SMYD3: variants seen among roughly 807,000 people sequenced by gnomAD.
SMYD3 encodes the protein histone-lysine N-methyltransferase SMYD3.
A neutral mutation model predicts 57.7 loss-of-function variants in SMYD3; 36 were observed. The ratio of observed to expected loss-of-function variants is 0.62; its 90% CI spans 0.48 to 0.82. The LOEUF is 0.82. SMYD3 is among the 40% of genes least tolerant of loss of function. SMYD3 has a pLI of 0.00. For synonymous variants in SMYD3, 211 were observed against 195.0 expected, an observed-to-expected ratio of 1.08 and a Z score of -0.68; for missense variants, 515 against 538.8, an observed-to-expected ratio of 0.96 and a Z score of 0.44.
intron 1 of SMYD3, among the ~76,000 whole-genome samples, chr1:246,394,930 G>A (rs1463372883): frequency 1.3e-5 from 2 of 150,318 alleles, no homozygotes; most frequent in African/African-American, 2.5e-5. Flanking sequence ...AGAGGCTCCC[G>A]AACTTAGCTA....
intron 5 of SMYD3, among the ~76,000 whole-genome samples, chr1:246,268,062 G>A (rs1258572850): frequency 6.6e-6 from 1 of 152,188 alleles, no homozygotes; most frequent in East Asian, 1.9e-4. Context: ...TCAGAGGCGT[G>A]TGAACCAGAA....
intron 1 of SMYD3, among the ~76,000 whole-genome samples, chr1:246,365,495 A>T (rs1368205208): frequency 9.1e-4 from 1 of 1,094 alleles, no homozygotes; most frequent in Non-Finnish European, 3.2e-3. Flanking sequence ...ACCCTGTCTA[A>T]AAAAAAAAAA....
At chr1:246,026,898 T>A (rs1211043910) in intron 5 of SMYD3, among the ~76,000 whole-genome samples, 1 of 152,120 alleles carries the variant, frequency 6.6e-6, no homozygotes, top group Non-Finnish European at 1.5e-5. Context: ...TAAGATAAAC[T>A]GAAAGACACA....
chr1:246,108,630 G>A (rs550628919), intron 5 of SMYD3: 1 of 152,200 alleles, frequency 6.6e-6, no homozygotes, highest in East Asian at 1.9e-4. Flanking sequence ...TCACCACTTA[G>A]TTACTAGAAT....
chr1:245,751,622 A>AAG (rs766381379), intron 11 of SMYD3, among the ~76,000 whole-genome samples: 9 of 131,258 alleles, frequency 6.9e-5, no homozygotes, highest in East Asian at 2.5e-4. Context: ...GAGAGAGAAA[A>AAG]AGAGAGAGAG....
intron 5 of SMYD3, among the ~76,000 whole-genome samples, chr1:245,941,561 C>T (rs1479208423): frequency 6.6e-6 from 1 of 152,160 alleles, no homozygotes; most frequent in African/African-American, 2.4e-5. Flanking sequence ...CACTCTGTCA[C>T]CCAGGCTGGA....
intron 5 of SMYD3, among the ~76,000 whole-genome samples, chr1:246,185,866 TACATA>T (rs1326330357): frequency 6.6e-6 from 1 of 152,212 alleles, no homozygotes; most frequent in Non-Finnish European, 1.5e-5. Flanking sequence ...AATTTTTACA[TACATA>T]ACATACTTTA....
intron 1 of SMYD3, among the ~76,000 whole-genome samples, chr1:246,486,690 G>A (rs755169526): frequency 1.3e-5 from 2 of 152,062 alleles, no homozygotes; most frequent in Non-Finnish European, 2.9e-5. Context: ...TCAAACCTAA[G>A]ACTTACTTCT....
At chr1:245,867,550 C>A (rs2051924573) in intron 8 of SMYD3, among the ~76,000 whole-genome samples, 2 of 152,062 alleles carry the variant, frequency 1.3e-5, no homozygotes, top group African/African-American at 2.4e-5. Context: ...AGGCACTGTT[C>A]TAGGCAGTAG....
intron 4 of SMYD3, 100 bp downstream of exon 4, chr1:246,330,380 T>C: frequency 1.0e-6 from 1 of 957,220 alleles, no homozygotes; most frequent in Non-Finnish European, 1.5e-6. Context: ...TGCATCACAT[T>C]ATAAAGAAAC....
intron 5 of SMYD3, among the ~76,000 whole-genome samples, chr1:246,106,955 G>T (rs926742328): frequency 6.6e-6 from 1 of 152,078 alleles, no homozygotes; most frequent in African/African-American, 2.4e-5. Context: ...TGGTGTGAAC[G>T]TGAAAAAAGA....
intron 5 of SMYD3, among the ~76,000 whole-genome samples, chr1:246,007,578 T>C (rs992511502): frequency 6.6e-6 from 1 of 151,852 alleles, no homozygotes; most frequent in Non-Finnish European, 1.5e-5. Context: ...GGGAGGTCTA[T>C]GTGGGTGGAT....
Position 246,125,079 on chromosome 1 carries a change from A to ACACACACACACACAC in SMYD3, c.532-195143_532-195142insGTGTGTGTGTGTGTG, listed in dbSNP as rs1206513856. Among the ~76,000 whole-genome samples the ACACACACACACACAC allele has an allele frequency of 2.3e-3, 248 of 108,272 alleles. 3 individuals carry two copies. Among genetic ancestry groups the ACACACACACACACAC allele is most frequent in the South Asian group, 0.016 (62 of 3,858 alleles). 71.0% of individuals were successfully genotyped at this position (108,272 alleles called of 152,430 possible). A position where few individuals can be genotyped will look rare whatever the true frequency, so the allele number is the denominator to read the frequency against. ...AGAGCGAGACTCCGTCTCAAAAAAAAAAAAAAAAACACACACACACACACA... is the reference window on the plus strand; with the variant it reads ...AGAGCGAGACTCCGTCTCAAAAAAAACACACACACACACACAAAAAAAAACACACACACACACACA... On this transcript the variant is annotated intron_variant, in intron 5 of 11. Coordinates refer to ENST00000490107, the MANE Select transcript of SMYD3 (RefSeq NM_001167740.2).
At chr1:246,210,169 T>C (rs1435369396) in intron 5 of SMYD3, among the ~76,000 whole-genome samples, 1 of 152,098 alleles carries the variant, frequency 6.6e-6, no homozygotes, top group Admixed American at 6.5e-5. Flanking sequence ...TGAGAAAGCT[T>C]TTAATGATCT....
intron 5 of SMYD3, among the ~76,000 whole-genome samples, chr1:246,102,497 T>A (rs911939146): frequency 4.6e-5 from 7 of 152,130 alleles, no homozygotes; most frequent in African/African-American, 1.7e-4. Context: ...AATTCTCACA[T>A]GCCATATAGA....
chr1:246,356,311 T>C (rs770003384), intron 1 of SMYD3, among the ~76,000 whole-genome samples: 3 of 152,102 alleles, frequency 2.0e-5, no homozygotes, highest in Non-Finnish European at 4.4e-5. Flanking sequence ...TTGAGTCCCA[T>C]GTCTCCCCTC....
chr1:245,767,515 C>T (rs1414266766), intron 10 of SMYD3, among the ~76,000 whole-genome samples: 2 of 152,218 alleles, frequency 1.3e-5, no homozygotes, highest in South Asian at 2.1e-4. Context: ...TGAAACCACA[C>T]AATGTGTGCT....
chr1:246,348,077 T>TATAC lies in SMYD3; in HGVS notation c.228+6953_228+6954insGTAT. Among the ~76,000 whole-genome samples the TATAC allele has an allele frequency of 2.4e-4, 21 of 86,378 alleles. 2 individuals are homozygous for TATAC. The highest frequency in any genetic ancestry group is 3.4e-4 in the Non-Finnish European group (13 of 38,276). The allele number at this position is 86,378 out of a possible 152,430, so 56.7% of individuals were successfully genotyped here. On this transcript the variant is annotated intron_variant, in intron 2 of 11. Transcript: ENST00000490107. ...AGAAAACGTTATATATATATATATA[T>TATAC]ACACACACACCATCAAATACTATGA...
chr1:246,377,408 T>G (rs2066297532), intron 1 of SMYD3, among the ~76,000 whole-genome samples: 1 of 151,482 alleles, frequency 6.6e-6, no homozygotes, highest in Non-Finnish European at 1.5e-5. Context: ...TCACTCTTGT[T>G]GCCCAGGCTG....
Sources: allele counts gnomAD v4.1 joint callset (sites outside exome capture counted in the v4.1 genomes callset), GRCh38; gene constraint gnomAD v4.1.1; transcripts MANE v1.5; gene names NCBI Gene and HGNC (gene_info 2026-07-23, HGNC 2026-07-21).